CUL1: variants seen among roughly 807,000 people sequenced by gnomAD.
The protein encoded by CUL1 is cullin 1.
A neutral mutation model predicts 118.0 loss-of-function variants in CUL1; 24 were observed. The observed-to-expected ratio is 0.20, with a 90% confidence interval of 0.15 to 0.29. CUL1 has a LOEUF of 0.29. CUL1 is among the 10% of genes least tolerant of loss of function. The probability of loss-of-function intolerance (pLI) is 1.00; values close to 1 mark genes in which losing one functional copy is unlikely to be tolerated. For missense variants in CUL1, 361 were observed against 933.8 expected (o/e 0.39, Z 7.99); for synonymous variants, 332 against 340.4 (o/e 0.98, Z 0.27).
chr7:148,768,225 T>G (rs1449551081), intron 9 of CUL1, among the ~76,000 whole-genome samples: 3 of 152,162 alleles, frequency 2.0e-5, no homozygotes, highest in Non-Finnish European at 4.4e-5. Flanking sequence ...AGAATATTCC[T>G]GCTAGGTCAT....
At chr7:148,748,177 A>T (rs1584787749) in intron 2 of CUL1, among the ~76,000 whole-genome samples, 1 of 152,214 alleles carries the variant, frequency 6.6e-6, no homozygotes, top group Non-Finnish European at 1.5e-5. Flanking sequence ...AGAAAATACA[A>T]AACAGGATCG....
chr7:148,739,041 G>T (rs557949250), intron 2 of CUL1, among the ~76,000 whole-genome samples: 1 of 152,194 alleles, frequency 6.6e-6, no homozygotes, highest in Non-Finnish European at 1.5e-5. Flanking sequence ...TCACACAGGC[G>T]CCCTTCAGGG....
intron 1 of CUL1, among the ~76,000 whole-genome samples, chr7:148,722,082 G>A (rs1163863896): frequency 1.3e-5 from 2 of 152,178 alleles, no homozygotes; most frequent in Non-Finnish European, 2.9e-5. Context: ...AAAGGAGTGA[G>A]ATTAGGAAAA....
At chr7:148,710,654 A>C (rs1584757983) in intron 1 of CUL1, among the ~76,000 whole-genome samples, 1 of 150,718 alleles carries the variant, frequency 6.6e-6, no homozygotes, top group Admixed American at 6.6e-5. Flanking sequence ...AGGTTTTACC[A>C]CATTTTCTCC....
intron 1 of CUL1, among the ~76,000 whole-genome samples, chr7:148,715,647 C>T (rs758670401): frequency 2.4e-4 from 37 of 152,144 alleles, no homozygotes; most frequent in Non-Finnish European, 4.6e-4. Context: ...GTTCTTTCTT[C>T]ACACTTTGAA....
At chr7:148,742,042 C>T (rs1272511653) in intron 2 of CUL1, among the ~76,000 whole-genome samples, 1 of 152,102 alleles carries the variant, frequency 6.6e-6, no homozygotes, top group Non-Finnish European at 1.5e-5. Context: ...TTGAGTCCTC[C>T]AATGTTGTTC....
chr7:148,786,400 G>T, intron 11 of CUL1, 151 bp from the exon 12 acceptor site: 1 of 607,468 alleles, frequency 1.6e-6, no homozygotes, highest in South Asian at 2.3e-5. Flanking sequence ...TTGCCAGTTT[G>T]CTGTAGGTAA....
chr7:148,721,274 T>C (rs1798387215), intron 1 of CUL1, among the ~76,000 whole-genome samples: 1 of 152,228 alleles, frequency 6.6e-6, no homozygotes, highest in African/African-American at 2.4e-5. Flanking sequence ...TTTCCAGTAC[T>C]GTGGAAGCTC....
chr7:148,698,266 A>C (rs952443839), upstream of CUL1: 6 of 151,574 alleles, frequency 4.0e-5, no homozygotes, highest in African/African-American at 9.7e-5. Context: ...AAAGGTGTGG[A>C]GTCAGGTTCC....
chr7:148,720,594 A>C (rs921701381), intron 1 of CUL1, among the ~76,000 whole-genome samples: 1 of 152,152 alleles, frequency 6.6e-6, no homozygotes, highest in African/African-American at 2.4e-5. Context: ...ATATTTGGGC[A>C]GTTAGTAGAG....
chr7:148,767,579 A>T, intron 8 of CUL1, 40 bp from the exon 9 acceptor site: 1 of 1,598,930 alleles, frequency 6.3e-7, no homozygotes, highest in Non-Finnish European at 8.5e-7. Flanking sequence ...GATATGCAAA[A>T]TTTTTTTCAG....
At chr7:148,770,238 A>G (rs527756771) in intron 9 of CUL1, among the ~76,000 whole-genome samples, 1 of 152,376 alleles carries the variant, frequency 6.6e-6, no homozygotes, top group South Asian at 2.1e-4. Context: ...TTTACGAGAA[A>G]TCAAGCTTTT....
At chr7:148,782,300 T>C (rs1306411899) in intron 9 of CUL1, among the ~76,000 whole-genome samples, 2 of 152,182 alleles carry the variant, frequency 1.3e-5, no homozygotes, top group South Asian at 2.1e-4. Flanking sequence ...ATGGCCCAAC[T>C]TGGAGGTGCT....
Position 148,766,548 on chromosome 7 carries a change from T to A in CUL1, c.790-13T>A. The stretch of plus-strand genomic sequence containing the variant: ...ATGAATCAAAACCATTCACTTGAAT[T>A]AATTTTCTCCAGGCAGAGGCTCGTC... On this transcript the variant is annotated splice_polypyrimidine_tract_variant and intron_variant, in intron 7 of 21. Coordinates refer to ENST00000325222, the MANE Select transcript of CUL1 (RefSeq NM_003592.3). 6.3e-7 allele frequency: 1 copy of A among 1,585,466 alleles called. No homozygotes were observed. The highest frequency in any genetic ancestry group is 8.5e-7 in the Non-Finnish European group (1 of 1,169,952).
chr7:148,742,266 G>A (rs1024065180), intron 2 of CUL1, among the ~76,000 whole-genome samples: 18 of 152,102 alleles, frequency 1.2e-4, no homozygotes, highest in Admixed American at 1.0e-3. Context: ...GAGGTTTAAC[G>A]GACTCAGAGT....
At chr7:148,749,556 C>T (rs76632987) in intron 2 of CUL1, among the ~76,000 whole-genome samples, 137 of 152,064 alleles carry the variant, frequency 9.0e-4, no homozygotes, top group Middle Eastern at 3.4e-3. Context: ...GGCTTTGAGG[C>T]GCCACACACT....
At chr7:148,730,653 A>G (rs1050791678) in intron 2 of CUL1, among the ~76,000 whole-genome samples, 35 of 152,324 alleles carry the variant, frequency 2.3e-4, no homozygotes, top group East Asian at 3.9e-4. Context: ...TATATTGTCT[A>G]TGACTGCCTT....
At position 148,786,508 on chromosome 7, in the gene CUL1, C is replaced by T. The variant is rs140069304; in HGVS notation, c.1299-43C>T. On this transcript the variant is annotated intron_variant, in intron 11 of 21. Transcript: ENST00000325222. The stretch of plus-strand genomic sequence containing the variant: ...TCTGGCTAAGTGGTGCTTGTTTAAA[C>T]GTACTGATGTTTTAAAACATGGTAT... 1.2e-4 allele frequency: 172 copies of T among 1,483,108 alleles called. 1 individual carries two copies. The East Asian group carries it at 3.4e-3, about 29-fold the overall frequency. The allele number at this position is 1,483,108 out of a possible 1,614,324, so 91.9% of individuals were successfully genotyped here. A position where few individuals can be genotyped will look rare whatever the true frequency, so the allele number is the denominator to read the frequency against.
chr7:148,775,435 T>G (rs1349543039), intron 9 of CUL1, among the ~76,000 whole-genome samples: 1 of 152,216 alleles, frequency 6.6e-6, no homozygotes, highest in Non-Finnish European at 1.5e-5. Flanking sequence ...TCCTTAAAGC[T>G]GGCTAATGGG....
Sources: allele counts gnomAD v4.1 joint callset (sites outside exome capture counted in the v4.1 genomes callset), GRCh38; gene constraint gnomAD v4.1.1; transcripts MANE v1.5; gene names NCBI Gene and HGNC (gene_info 2026-07-23, HGNC 2026-07-21).